Variants in GNAQ observed in about 807,000 individuals in gnomAD.
GNAQ encodes the protein guanine nucleotide-binding protein G(q) subunit alpha.
GNAQ carries 8 observed loss-of-function variants against 43.9 expected under a neutral mutation model. That is an observed-to-expected ratio of 0.18 (90% CI 0.11 to 0.33). GNAQ has a LOEUF of 0.33. GNAQ is among the 10% of genes least tolerant of loss of function. GNAQ has a pLI of 1.00. For synonymous variants in GNAQ, 155 were observed against 170.7 expected (o/e 0.91, Z 0.71); for missense variants, 158 against 450.8 (o/e 0.35, Z 5.88).
intron 2 of GNAQ, among the ~76,000 whole-genome samples, chr9:77,906,139 T>C (rs1037630778): frequency 6.6e-6 from 1 of 152,168 alleles, no homozygotes; most frequent in Admixed American, 6.5e-5. Context: ...CAACTGATAC[T>C]ACCTGACATG....
At chr9:78,003,831 A>C (rs1823673713) in intron 1 of GNAQ, among the ~76,000 whole-genome samples, 1 of 152,004 alleles carries the variant, frequency 6.6e-6, no homozygotes, top group Non-Finnish European at 1.5e-5. Flanking sequence ...AAAAAAGAAA[A>C]AAAAAAGCTG....
chr9:77,839,010 C>T (rs761050984), intron 2 of GNAQ, among the ~76,000 whole-genome samples: 51 of 152,088 alleles, frequency 3.4e-4, no homozygotes, highest in Non-Finnish European at 6.2e-4. Context: ...CATATGGTAC[C>T]CTCTTCACCA....
intron 1 of GNAQ, among the ~76,000 whole-genome samples, chr9:77,995,300 A>G (rs902703408): frequency 9.2e-5 from 14 of 152,178 alleles, no homozygotes; most frequent in Non-Finnish European, 1.9e-4. Context: ...TAAGGTCCAC[A>G]CTCTTAACCA....
At chr9:78,029,663 G>C (rs923430408) in intron 1 of GNAQ, among the ~76,000 whole-genome samples, 1 of 152,156 alleles carries the variant, frequency 6.6e-6, no homozygotes, top group African/African-American at 2.4e-5. Context: ...CTATGTGTGT[G>C]ATCAGTATAT....
At chr9:77,851,213 C>T (rs574428938) in intron 2 of GNAQ, among the ~76,000 whole-genome samples, 4 of 152,230 alleles carry the variant, frequency 2.6e-5, no homozygotes, top group South Asian at 4.1e-4. Flanking sequence ...TACACAAAAT[C>T]GGAAAGAAAA....
At chr9:77,753,313 C>T (rs1199570090) in intron 5 of GNAQ, among the ~76,000 whole-genome samples, 1 of 152,050 alleles carries the variant, frequency 6.6e-6, no homozygotes, top group Admixed American at 6.6e-5. Context: ...CCCCACCCAC[C>T]CCCTGAAGAA....
chr9:78,023,544 C>G (rs1823937847), intron 1 of GNAQ, among the ~76,000 whole-genome samples: 1 of 151,986 alleles, frequency 6.6e-6, no homozygotes, highest in Admixed American at 6.6e-5. Flanking sequence ...AAGCATTCCT[C>G]TTTAGAAGCA....
At chr9:77,986,992 A>G (rs1403093561) in intron 1 of GNAQ, among the ~76,000 whole-genome samples, 1 of 152,142 alleles carries the variant, frequency 6.6e-6, no homozygotes, top group Non-Finnish European at 1.5e-5. Context: ...CATACATATG[A>G]AAGAAATGGT....
At chr9:77,997,886 T>C (rs1823593697) in intron 1 of GNAQ, among the ~76,000 whole-genome samples, 1 of 152,124 alleles carries the variant, frequency 6.6e-6, no homozygotes, top group South Asian at 2.1e-4. Flanking sequence ...CTAATAAATA[T>C]GGTTAGTGAC....
At chr9:77,847,426 A>T (rs553555543) in intron 2 of GNAQ, among the ~76,000 whole-genome samples, 1 of 152,210 alleles carries the variant, frequency 6.6e-6, no homozygotes, top group South Asian at 2.1e-4. Context: ...CCTGGAGGAG[A>T]TGGAAGAGGA....
chr9:77,964,061 G>C (rs1587434166), intron 1 of GNAQ, among the ~76,000 whole-genome samples: 1 of 152,232 alleles, frequency 6.6e-6, no homozygotes, highest in Non-Finnish European at 1.5e-5. Flanking sequence ...CTTATGTTGG[G>C]AAATGAAGTT....
intron 2 of GNAQ, among the ~76,000 whole-genome samples, chr9:77,823,850 C>G (rs1342899375): frequency 6.6e-6 from 1 of 152,120 alleles, no homozygotes; most frequent in Non-Finnish European, 1.5e-5. Flanking sequence ...TGGGTGGGGA[C>G]ACAGAGCCAA....
At chr9:78,030,524 T>C (rs1422242204) in intron 1 of GNAQ, 2 of 470,990 alleles carry the variant, frequency 4.2e-6, no homozygotes, top group Admixed American at 4.7e-5. Flanking sequence ...CCATGAGTGC[T>C]CCGGGAATCC....
intron 1 of GNAQ, among the ~76,000 whole-genome samples, chr9:78,020,808 C>T (rs1227550816): frequency 6.6e-6 from 1 of 152,106 alleles, no homozygotes; most frequent in Non-Finnish European, 1.5e-5. Flanking sequence ...TTTTCCCTGG[C>T]ACTCATTCAA....
chr9:77,991,235 G>A (rs769277520), intron 1 of GNAQ, among the ~76,000 whole-genome samples: 3 of 152,322 alleles, frequency 2.0e-5, no homozygotes, highest in Non-Finnish European at 2.9e-5. Flanking sequence ...CAGACAGCTC[G>A]TGTGGTAACA....
intron 5 of GNAQ, among the ~76,000 whole-genome samples, chr9:77,787,160 T>C (rs1826494460): frequency 6.6e-6 from 1 of 152,232 alleles, no homozygotes; most frequent in Admixed American, 6.5e-5. Flanking sequence ...ACTACTTGAT[T>C]CTCTTTGTAT....
At chr9:77,727,205 T>C (rs1379492670) in intron 6 of GNAQ, among the ~76,000 whole-genome samples, 8 of 151,914 alleles carry the variant, frequency 5.3e-5, no homozygotes, top group Non-Finnish European at 7.4e-5. Context: ...TTTTTATAGA[T>C]AGAGGTCTCG....
At chr9:77,823,366 A>C (rs962231466) in intron 2 of GNAQ, among the ~76,000 whole-genome samples, 8 of 152,306 alleles carry the variant, frequency 5.3e-5, no homozygotes, top group Admixed American at 2.6e-4. Context: ...ATAGATAAGA[A>C]GTGTAAAAAG....
intron 2 of GNAQ, among the ~76,000 whole-genome samples, chr9:77,867,237 C>A (rs558197169): frequency 6.6e-6 from 1 of 152,162 alleles, no homozygotes; most frequent in Non-Finnish European, 1.5e-5. Flanking sequence ...CTCACTGGAG[C>A]CAATCAACAG....
Sources: gnomAD v4.1 joint callset for allele counts (sites outside exome capture counted in the v4.1 genomes callset) on GRCh38, gnomAD v4.1.1 for gene constraint, MANE v1.5 for transcripts, NCBI Gene and HGNC (gene_info 2026-07-23, HGNC 2026-07-21) for gene names.